MTUS2: variants seen among roughly 807,000 people sequenced by gnomAD.
MTUS2 encodes microtubule-associated tumor suppressor candidate 2.
In MTUS2, 40 loss-of-function variants were observed where a neutral mutation model predicts 114.1. The observed-to-expected ratio is 0.35, with a 90% CI of 0.27 to 0.46. The LOEUF (loss-of-function observed/expected upper bound fraction) is 0.46, where lower values mean the gene tolerates loss of function less well. Ranked by LOEUF, MTUS2 falls within the 20% of genes least tolerant of loss-of-function variation. The pLI, the probability that MTUS2 is intolerant of heterozygous loss-of-function variation, is 1.00. For missense variants in MTUS2, 1,679 were observed against 1,705.4 expected, an observed-to-expected ratio of 0.98 and a Z score of 0.27; for synonymous variants, 688 against 672.0, an observed-to-expected ratio of 1.02 and a Z score of -0.37.
intron 2 of MTUS2, among the ~76,000 whole-genome samples, chr13:28,904,405 T>A (rs1879850168): frequency 1.3e-5 from 2 of 152,222 alleles, no homozygotes; most frequent in Admixed American, 6.5e-5. Context: ...TGTAAGTCTT[T>A]AATCCATCTT....
intron 5 of MTUS2, among the ~76,000 whole-genome samples, chr13:29,197,748 C>T (rs1318519637): frequency 6.6e-6 from 1 of 152,096 alleles, no homozygotes; most frequent in Non-Finnish European, 1.5e-5. Context: ...TAATGATTGC[C>T]ATTCCAACTG....
intron 4 of MTUS2, among the ~76,000 whole-genome samples, chr13:29,058,766 A>G (rs977714906): frequency 4.4e-5 from 6 of 135,924 alleles, no homozygotes; most frequent in Admixed American, 2.4e-4. Context: ...TCCTGTGTCC[A>G]TGTGTTCTCA....
chr13:28,973,614 G>C (rs909878358), intron 2 of MTUS2, among the ~76,000 whole-genome samples: 1 of 152,120 alleles, frequency 6.6e-6, no homozygotes, highest in African/African-American at 2.4e-5. Flanking sequence ...TTGTGACAAG[G>C]GTTTCTAACT....
intron 5 of MTUS2, among the ~76,000 whole-genome samples, chr13:29,140,183 G>A (rs1203322860): frequency 1.3e-5 from 2 of 152,134 alleles, no homozygotes; most frequent in Non-Finnish European, 2.9e-5. Context: ...AAAATAAGCA[G>A]TTTCTTAAAT....
At chr13:29,483,221 G>T (rs930338098) in intron 10 of MTUS2, among the ~76,000 whole-genome samples, 1 of 152,228 alleles carries the variant, frequency 6.6e-6, no homozygotes, top group Non-Finnish European at 1.5e-5. Flanking sequence ...CCCAACATCT[G>T]GCAGCAGGGG....
chr13:28,949,324 CT>C (rs1299611107), intron 2 of MTUS2, among the ~76,000 whole-genome samples: 1 of 151,904 alleles, frequency 6.6e-6, no homozygotes, highest in Non-Finnish European at 1.5e-5. Context: ...GGGGCTCTGG[CT>C]TTTAGAATGC....
chr13:29,071,244 C>T (rs775043665), intron 4 of MTUS2, among the ~76,000 whole-genome samples: 1 of 151,352 alleles, frequency 6.6e-6, no homozygotes, highest in East Asian at 2.0e-4. Flanking sequence ...TCGTGATCCT[C>T]CCACCTCAGC....
chr13:29,392,484 C>G (rs1873583478), intron 8 of MTUS2, among the ~76,000 whole-genome samples: 1 of 152,170 alleles, frequency 6.6e-6, no homozygotes, highest in Non-Finnish European at 1.5e-5. Flanking sequence ...GGAGACATCT[C>G]CTCTCATGCC....
chr13:29,004,320 C>G (rs1349221240), intron 2 of MTUS2, among the ~76,000 whole-genome samples: 1 of 152,120 alleles, frequency 6.6e-6, no homozygotes, highest in Non-Finnish European at 1.5e-5. Flanking sequence ...AAAATGCTGG[C>G]CGTGACTCAC....
At chr13:29,175,876 TTTAAACA>T (rs1893750970) in intron 5 of MTUS2, among the ~76,000 whole-genome samples, 1 of 152,188 alleles carries the variant, frequency 6.6e-6, no homozygotes, top group Admixed American at 6.5e-5. Context: ...TTATAATTTA[TTTAAACA>T]TTAAAGTACA....
intron 1 of MTUS2, among the ~76,000 whole-genome samples, chr13:28,832,192 T>G (rs543497623): frequency 6.6e-6 from 1 of 152,302 alleles, no homozygotes; most frequent in Admixed American, 6.5e-5. Context: ...AAAGAACACT[T>G]CACCCAGTGG....
chr13:28,979,433 G>A (rs1047379489), intron 2 of MTUS2, among the ~76,000 whole-genome samples: 10 of 152,022 alleles, frequency 6.6e-5, no homozygotes, highest in Admixed American at 1.3e-4. Context: ...TAAAATTATG[G>A]AAATTAAAGA....
At chr13:29,363,371 G>T (rs11838947) in intron 8 of MTUS2, among the ~76,000 whole-genome samples, 4,277 of 152,182 alleles carry the variant, frequency 0.028, 224 homozygotes, top group African/African-American at 0.098. Flanking sequence ...TGTGATTGTA[G>T]ATGATGGTTT....
intron 6 of MTUS2, chr13:29,306,855 T>A: frequency 2.7e-6 from 1 of 376,120 alleles, no homozygotes; most frequent in Non-Finnish European, 5.6e-6. Context: ...TTAACTCTGC[T>A]AAAGTAGATA....
At chr13:29,436,184 C>G (rs112964681) in intron 8 of MTUS2, among the ~76,000 whole-genome samples, 1,829 of 152,210 alleles carry the variant, frequency 0.012, 46 homozygotes, top group African/African-American at 0.041. Context: ...AGATCCAGGC[C>G]GAGGCTCAGT....
chr13:29,438,040 A>G (rs929482530), intron 8 of MTUS2, among the ~76,000 whole-genome samples: 2 of 152,194 alleles, frequency 1.3e-5, no homozygotes, highest in African/African-American at 4.8e-5. Context: ...ATAGGGTGTT[A>G]TCCAGTTGCA....
chr13:29,333,749 T>A (rs1900912929), intron 7 of MTUS2, among the ~76,000 whole-genome samples: 1 of 152,172 alleles, frequency 6.6e-6, no homozygotes, highest in Non-Finnish European at 1.5e-5. Flanking sequence ...CCGTGTTAAT[T>A]TTCTGTCTCA....
At chr13:28,953,570 TTTTA>T (rs745934566) in intron 2 of MTUS2, among the ~76,000 whole-genome samples, 8 of 152,264 alleles carry the variant, frequency 5.3e-5, no homozygotes, top group East Asian at 1.9e-4. Context: ...TTTTTAGGCC[TTTTA>T]TTTGTCTTTC....
intron 4 of MTUS2, among the ~76,000 whole-genome samples, chr13:29,052,774 T>TA (rs1430163583): frequency 6.6e-6 from 1 of 152,196 alleles, no homozygotes; most frequent in Non-Finnish European, 1.5e-5. Flanking sequence ...TGATGATTGA[T>TA]ATGGTGCTGT....
Sources: allele counts gnomAD v4.1 joint callset (sites outside exome capture counted in the v4.1 genomes callset), GRCh38; gene constraint gnomAD v4.1.1; transcripts MANE v1.5; gene names NCBI Gene and HGNC (gene_info 2026-07-23, HGNC 2026-07-21).